Variants in ARHGEF28 observed in about 807,000 individuals in gnomAD.
The protein encoded by ARHGEF28 is Rho guanine nucleotide exchange factor 28, also known as 190 kDa guanine nucleotide exchange factor.
ARHGEF28 carries 152 observed loss-of-function variants against 206.6 expected under a neutral mutation model. The observed-to-expected ratio is 0.74, with a 90% CI of 0.64 to 0.84. The LOEUF is 0.84. Among genes scored for constraint, ARHGEF28 ranks in the 40% least tolerant of loss-of-function variants. The pLI is 0.00. For missense variants in ARHGEF28, 2,028 were observed against 2,073.2 expected (o/e 0.98, Z 0.42); for synonymous variants, 763 against 776.4 (o/e 0.98, Z 0.29).
intron 4 of ARHGEF28, among the ~76,000 whole-genome samples, chr5:73,757,413 A>G (rs1432848656): frequency 2.6e-5 from 4 of 152,184 alleles, no homozygotes; most frequent in African/African-American, 4.8e-5. Flanking sequence ...TTACCGAAGG[A>G]GTATTCATTG....
At chr5:73,731,765 T>G (rs1750636772) in intron 2 of ARHGEF28, among the ~76,000 whole-genome samples, 1 of 152,200 alleles carries the variant, frequency 6.6e-6, no homozygotes, top group Non-Finnish European at 1.5e-5. Flanking sequence ...GTCAGAAGTA[T>G]GGTAAATTGT....
Position 73,909,668 on chromosome 5 carries a change from A to AGGAGCG in ARHGEF28, c.4429_4434dup (p.Arg1477_Glu1478dup). ...CAGGCGACCAGGGAGAGCTGGCTGC[A>AGGAGCG]GGAGCGGGAGCGGGAGTGCCAGTCG... On this transcript the variant is annotated inframe_insertion, in exon 34 of 36. Coordinates refer to ENST00000513042, the MANE Select transcript of ARHGEF28 (RefSeq NM_001177693.2). 6 of 1,543,310 alleles carry AGGAGCG rather than the reference A, an allele frequency of 3.9e-6. No individual in the cohort carries two copies. Among genetic ancestry groups the AGGAGCG allele is most frequent in the Non-Finnish European group, 5.2e-6 (6 of 1,143,656 alleles).
At chr5:73,666,070 T>TGAA (rs1271454428) in intron 1 of ARHGEF28, among the ~76,000 whole-genome samples, 1 of 152,128 alleles carries the variant, frequency 6.6e-6, no homozygotes, top group Admixed American at 6.5e-5. Context: ...AAAGAATATG[T>TGAA]ACTTCCAAAA....
intron 28 of ARHGEF28, 100 bp downstream of exon 28, chr5:73,893,388 C>G: frequency 3.3e-6 from 3 of 903,112 alleles, no homozygotes; most frequent in Non-Finnish European, 4.6e-6. Context: ...CATGATTCAT[C>G]CTGTGCACCT....
At chr5:73,738,160 T>C (rs1192966337) in intron 2 of ARHGEF28, among the ~76,000 whole-genome samples, 1 of 152,126 alleles carries the variant, frequency 6.6e-6, no homozygotes, top group Non-Finnish European at 1.5e-5. Flanking sequence ...TCCCAGTCCC[T>C]GGGGGAGGAA....
chr5:73,826,301 T>A (rs189887756), intron 9 of ARHGEF28, among the ~76,000 whole-genome samples: 1 of 152,252 alleles, frequency 6.6e-6, no homozygotes, highest in Admixed American at 6.5e-5. Flanking sequence ...GGCTCACCCT[T>A]TTTATGGTGG....
At chr5:73,818,588 A>G (rs535999178) in intron 9 of ARHGEF28, among the ~76,000 whole-genome samples, 19 of 152,270 alleles carry the variant, frequency 1.2e-4, no homozygotes, top group East Asian at 7.7e-4. Context: ...TTGGCTCTCA[A>G]TGAAGGGAGT....
chr5:73,887,354 T>C (rs1186127043), intron 25 of ARHGEF28: 3 of 315,810 alleles, frequency 9.5e-6, no homozygotes, highest in Non-Finnish European at 5.7e-6. Context: ...TGGATATTTT[T>C]CTTCTGTTTT....
intron 1 of ARHGEF28, among the ~76,000 whole-genome samples, chr5:73,652,849 A>G (rs1268627447): frequency 6.6e-6 from 1 of 152,178 alleles, no homozygotes; most frequent in Non-Finnish European, 1.5e-5. Flanking sequence ...AGTATCACAC[A>G]GTTAGAAAAC....
At chr5:73,896,368 T>C (rs1478672703) in intron 29 of ARHGEF28, among the ~76,000 whole-genome samples, 2 of 152,076 alleles carry the variant, frequency 1.3e-5, no homozygotes, top group Non-Finnish European at 2.9e-5. Context: ...GATGAGGTGG[T>C]GTGGGCCAGG....
chr5:73,744,861 T>A (rs1167291387), intron 2 of ARHGEF28, among the ~76,000 whole-genome samples: 2 of 152,056 alleles, frequency 1.3e-5, no homozygotes, highest in Admixed American at 1.3e-4. Context: ...AAGCTAGAGT[T>A]CATAAACTTT....
intron 4 of ARHGEF28, among the ~76,000 whole-genome samples, chr5:73,764,944 G>A (rs1752814548): frequency 6.6e-6 from 1 of 152,106 alleles, no homozygotes; most frequent in Admixed American, 6.6e-5. Flanking sequence ...GATTGTGTAT[G>A]ATACCCATGC....
intron 1 of ARHGEF28, among the ~76,000 whole-genome samples, chr5:73,672,419 C>T (rs1384775117): frequency 6.6e-6 from 1 of 152,136 alleles, no homozygotes; most frequent in Admixed American, 6.5e-5. Context: ...TCTGCCAGTC[C>T]AGTGGTCTTC....
chr5:73,652,251 G>A (rs757421345), intron 1 of ARHGEF28, among the ~76,000 whole-genome samples: 10 of 152,304 alleles, frequency 6.6e-5, no homozygotes, highest in Non-Finnish European at 1.2e-4. Context: ...AGTTAGTCAA[G>A]TCATATAATG....
intron 13 of ARHGEF28, among the ~76,000 whole-genome samples, chr5:73,851,014 A>G (rs1278194944): frequency 6.6e-6 from 1 of 152,210 alleles, no homozygotes; most frequent in Non-Finnish European, 1.5e-5. Flanking sequence ...AGGTCAGTCA[A>G]TACCATAGGA....
At chr5:73,783,639 G>T (rs1753982573) in intron 7 of ARHGEF28, among the ~76,000 whole-genome samples, 2 of 152,168 alleles carry the variant, frequency 1.3e-5, no homozygotes, top group Admixed American at 1.3e-4. Flanking sequence ...CAAGATGGGA[G>T]AGTTGAGGAC....
In ARHGEF28 at chr5:73,909,799, G is replaced by T; in HGVS notation, c.4549G>T (p.Glu1517Ter). The T allele has an allele frequency of 6.5e-7, 1 of 1,531,588 alleles. No individual in the cohort carries two copies. The highest frequency in any genetic ancestry group is 2.1e-5 in the Admixed American group (1 of 48,590). 94.9% of individuals were successfully genotyped at this position (1,531,588 alleles called of 1,614,324 possible). A position where few individuals can be genotyped will look rare whatever the true frequency, so the allele number is the denominator to read the frequency against. Residue 1517 changes from glutamate (E) to a stop codon, truncating the protein, a stop_gained, in exon 34 of 36, where the codon GAG (glutamate) becomes TAG (stop). Coordinates refer to ENST00000513042, the MANE Select transcript of ARHGEF28 (RefSeq NM_001177693.2). LOFTEE classifies it high-confidence loss of function. Reference sequence around the variant, plus strand: ...GGAGGGCCAGCGCCTGGTGGAGAGGGAGCAGGCGAGGATGCGGGCCCAGCA... The same window carrying T: ...GGAGGGCCAGCGCCTGGTGGAGAGGTAGCAGGCGAGGATGCGGGCCCAGCA... The part of the protein sequence containing the change: ...LREGQRLVER[E>*]QARMRAQQSL...
At chr5:73,833,013 C>T (rs1347139130) in intron 10 of ARHGEF28, among the ~76,000 whole-genome samples, 1 of 152,198 alleles carries the variant, frequency 6.6e-6, no homozygotes, top group Non-Finnish European at 1.5e-5. Context: ...TCCACCCAGT[C>T]CCTGATAGAG....
chr5:73,900,903 C>T (rs528634246), intron 30 of ARHGEF28: 16 of 275,304 alleles, frequency 5.8e-5, no homozygotes, highest in African/African-American at 1.3e-4. Context: ...GTAACACAAA[C>T]GACACACGAA....
Sources: gnomAD v4.1 joint callset for allele counts (sites outside exome capture counted in the v4.1 genomes callset) on GRCh38, gnomAD v4.1.1 for gene constraint, MANE v1.5 for transcripts, NCBI Gene and HGNC (gene_info 2026-07-23, HGNC 2026-07-21) for gene names.